PARP11: variants seen among roughly 807,000 people sequenced by gnomAD.
The protein encoded by PARP11 is protein mono-ADP-ribosyltransferase PARP11.
In PARP11, 31 loss-of-function variants were observed where a neutral mutation model predicts 42.9. That is an observed-to-expected ratio of 0.72 (90% confidence interval 0.54 to 0.98). The LOEUF (loss-of-function observed/expected upper bound fraction) is 0.98. PARP11 is among the 50% of genes least tolerant of loss of function. The pLI is 0.00. For missense variants in PARP11, 365 were observed against 413.1 expected, an observed-to-expected ratio of 0.88 and a Z score of 1.01; for synonymous variants, 137 against 127.3, an observed-to-expected ratio of 1.08 and a Z score of -0.51.
intron 6 of PARP11, among the ~76,000 whole-genome samples, chr12:3,821,027 T>C (rs967279641): frequency 2.6e-5 from 4 of 152,318 alleles, no homozygotes; most frequent in African/African-American, 2.4e-5. Flanking sequence ...TGCTTAAAAA[T>C]ACTTCAGCAA....
At chr12:3,869,059 G>A (rs999118629) in intron 1 of PARP11, among the ~76,000 whole-genome samples, 2 of 152,116 alleles carry the variant, frequency 1.3e-5, no homozygotes, top group Non-Finnish European at 2.9e-5. Context: ...CATCTCCAAA[G>A]TCAGCCATGT....
At chr12:3,828,295 T>A (rs1191849614) in intron 3 of PARP11, among the ~76,000 whole-genome samples, 2 of 152,186 alleles carry the variant, frequency 1.3e-5, no homozygotes, top group South Asian at 2.1e-4. Context: ...ACGCCTGTAA[T>A]CCCAGCACTT....
At chr12:3,812,950 G>A (rs767896254) in intron 7 of PARP11, among the ~76,000 whole-genome samples, 1 of 151,972 alleles carries the variant, frequency 6.6e-6, no homozygotes, top group Non-Finnish European at 1.5e-5. Context: ...TTACAGGCGC[G>A]TGCCACCACA....
intron 4 of PARP11, 126 bp downstream of exon 4, chr12:3,826,032 G>A (rs532977063): frequency 1.7e-6 from 1 of 600,986 alleles, no homozygotes; most frequent in African/African-American, 1.9e-5. Context: ...CCTGGCCCAA[G>A]ATTTGATATT....
At chr12:3,847,904 C>T (rs1052748078) in intron 1 of PARP11, among the ~76,000 whole-genome samples, 4 of 152,144 alleles carry the variant, frequency 2.6e-5, no homozygotes, top group Admixed American at 1.3e-4. Context: ...AGACATAATC[C>T]TATTCTTAAA....
intron 1 of PARP11, among the ~76,000 whole-genome samples, chr12:3,831,757 G>A (rs972953085): frequency 2.6e-5 from 4 of 152,030 alleles, no homozygotes; most frequent in African/African-American, 9.7e-5. Context: ...TCTGGTTTAG[G>A]ACCCACTATT....
At position 3,829,886 on chromosome 12, in the gene PARP11, G is replaced by A; in HGVS notation, c.147+4C>T. The A allele has an allele frequency of 1.2e-6, 2 of 1,613,630 alleles. No homozygotes were observed. Among genetic ancestry groups the A allele is most frequent in the Non-Finnish European group, 1.7e-6 (2 of 1,179,700 alleles). On this transcript the variant is annotated splice_donor_region_variant and intron_variant, in intron 2 of 7. Transcript: ENST00000228820. Reference sequence around the variant, plus strand: ...CTTCTGCTAAATTAAAGGAAAGGAGGTACCTGAAACATGTGCCACTTCCCA... The same window carrying A: ...CTTCTGCTAAATTAAAGGAAAGGAGATACCTGAAACATGTGCCACTTCCCA...
chr12:3,869,654 T>C (rs920929835), intron 1 of PARP11, among the ~76,000 whole-genome samples: 8 of 152,250 alleles, frequency 5.3e-5, no homozygotes, highest in African/African-American at 1.9e-4. Context: ...TCTATAAAAG[T>C]TACTTTCACA....
chr12:3,816,200 A>T (rs1480391813), intron 6 of PARP11, among the ~76,000 whole-genome samples: 1 of 149,398 alleles, frequency 6.7e-6, no homozygotes, highest in East Asian at 1.9e-4. Flanking sequence ...AAAGTTTTTT[A>T]AATTAAAAAA....
At chr12:3,829,449 G>A (rs1220641395) in intron 2 of PARP11, among the ~76,000 whole-genome samples, 1 of 152,202 alleles carries the variant, frequency 6.6e-6, no homozygotes, top group East Asian at 1.9e-4. Flanking sequence ...GACAAATTAT[G>A]TCAACTTTTG....
intron 3 of PARP11, among the ~76,000 whole-genome samples, chr12:3,827,567 G>A (rs1458944882): frequency 1.3e-5 from 2 of 151,694 alleles, no homozygotes; most frequent in East Asian, 1.9e-4. Context: ...AGGGACAAAT[G>A]TCAGGGCCTC....
At chr12:3,838,415 T>C (rs1009441429) in intron 1 of PARP11, among the ~76,000 whole-genome samples, 28 of 151,794 alleles carry the variant, frequency 1.8e-4, no homozygotes, top group African/African-American at 6.5e-4. Context: ...AAAGTGGAGA[T>C]ACAAAATACC....
At chr12:3,848,033 AAAAG>A (rs1167780377) in intron 1 of PARP11, among the ~76,000 whole-genome samples, 1 of 152,194 alleles carries the variant, frequency 6.6e-6, no homozygotes, top group Non-Finnish European at 1.5e-5. Flanking sequence ...AACAATCTAA[AAAAG>A]AAATCAAGAA....
At chr12:3,855,084 G>A (rs1319763210) in intron 1 of PARP11, among the ~76,000 whole-genome samples, 3 of 151,926 alleles carry the variant, frequency 2.0e-5, no homozygotes, top group South Asian at 2.1e-4. Context: ...ATTCAACAAC[G>A]CTTCATGCTA....
intron 4 of PARP11, among the ~76,000 whole-genome samples, chr12:3,824,060 A>C (rs1947465037): frequency 6.6e-6 from 1 of 152,246 alleles, no homozygotes; most frequent in Non-Finnish European, 1.5e-5. Flanking sequence ...GACACCAACC[A>C]AATGCTGTCT....
At chr12:3,814,234 C>T (rs753896356) in intron 6 of PARP11, 46 bp from the exon 7 acceptor site, 4 of 1,423,438 alleles carry the variant, frequency 2.8e-6, no homozygotes, top group East Asian at 2.5e-5. Flanking sequence ...AGAAATATAC[C>T]ATAAGTAGCA....
intron 1 of PARP11, among the ~76,000 whole-genome samples, chr12:3,852,401 C>T (rs1338583284): frequency 1.3e-5 from 2 of 152,050 alleles, no homozygotes; most frequent in African/African-American, 4.8e-5. Flanking sequence ...AAAGATTAGA[C>T]GAATGGCTAA....
intron 1 of PARP11, among the ~76,000 whole-genome samples, chr12:3,846,271 A>AT (rs149849672): frequency 0.012 from 1,822 of 151,914 alleles, 43 homozygotes; most frequent in African/African-American, 0.042. Context: ...GTGTGCATAT[A>AT]TTTAAAAAAA....
In PARP11 at chr12:3,828,970, T is replaced by G. The variant is rs1321318263; in HGVS notation, c.208A>C (p.Asn70His). 1.2e-6 allele frequency: 2 copies of G among 1,613,958 alleles called. No individual in the cohort carries two copies. The highest frequency in any genetic ancestry group is 1.3e-5 in the African/African-American group (1 of 74,928). ...SEDIEKSFKT[N>H]PCGSISFTTS... ...GTAAAAGAAATGGAGCCACAAGGGTTTGTTTTGAAGCTTTTTTCGATATCT... is the reference window on the plus strand; with the variant it reads ...GTAAAAGAAATGGAGCCACAAGGGTGTGTTTTGAAGCTTTTTTCGATATCT... The change falls in exon 3 of 8, where the codon AAC (asparagine) becomes CAC (histidine). Residue 70 changes from asparagine to histidine, a missense_variant. Transcript: ENST00000228820.
Sources: allele counts gnomAD v4.1 joint callset (sites outside exome capture counted in the v4.1 genomes callset), GRCh38; gene constraint gnomAD v4.1.1; transcripts MANE v1.5; gene names NCBI Gene and HGNC (gene_info 2026-07-23, HGNC 2026-07-21).